Variants in RAD51B observed in about 807,000 individuals in gnomAD.
The protein encoded by RAD51B is DNA repair protein RAD51 homolog 2.
Under a neutral mutation model 42.2 loss-of-function variants are expected in RAD51B, and 38 were observed. The ratio of observed to expected loss-of-function variants is 0.90; its 90% confidence interval spans 0.70 to 1.18. The LOEUF (loss-of-function observed/expected upper bound fraction) is 1.18. Ranked by LOEUF, RAD51B falls within the 50% of genes most tolerant of loss-of-function variation. The probability of loss-of-function intolerance (pLI) is 0.00; values close to 1 mark genes in which losing one functional copy is unlikely to be tolerated. For missense variants in RAD51B, 373 were observed against 400.7 expected (o/e 0.93, Z 0.59); for synonymous variants, 154 against 145.2 (o/e 1.06, Z -0.43).
intron 4 of RAD51B, among the ~76,000 whole-genome samples, chr14:67,843,126 G>A (rs1458634249): frequency 6.7e-6 from 1 of 150,034 alleles, no homozygotes; most frequent in African/African-American, 2.5e-5. Context: ...TTGACCTGAT[G>A]CTTTCTTTTT....
intron 7 of RAD51B, among the ~76,000 whole-genome samples, chr14:68,022,509 C>G (rs1370873115): frequency 2.0e-5 from 3 of 152,056 alleles, no homozygotes; most frequent in Non-Finnish European, 4.4e-5. Flanking sequence ...AAATAGCCAT[C>G]TGTTGTTTTT....
chr14:68,105,886 A>G (rs1338809150), intron 7 of RAD51B, among the ~76,000 whole-genome samples: 1 of 152,002 alleles, frequency 6.6e-6, no homozygotes, highest in East Asian at 1.9e-4. Flanking sequence ...CTAAAAGATC[A>G]TCTTCCTTTG....
chr14:68,348,562 G>A (rs2082718409), intron 8 of RAD51B, among the ~76,000 whole-genome samples: 1 of 152,230 alleles, frequency 6.6e-6, no homozygotes, highest in South Asian at 2.1e-4. Flanking sequence ...TAGGCATAAT[G>A]CATATGTTTG....
At chr14:68,033,531 T>A (rs1844361014) in intron 7 of RAD51B, among the ~76,000 whole-genome samples, 1 of 149,022 alleles carries the variant, frequency 6.7e-6, no homozygotes, top group Non-Finnish European at 1.5e-5. Flanking sequence ...ACATAGATAA[T>A]TTTGTGAAAT....
chr14:68,415,774 T>C (rs2084541838), intron 9 of RAD51B, among the ~76,000 whole-genome samples: 1 of 152,180 alleles, frequency 6.6e-6, no homozygotes, highest in Non-Finnish European at 1.5e-5. Context: ...AAAAACTCGA[T>C]AAAAATATTC....
At chr14:68,078,947 A>G (rs10140493) in intron 7 of RAD51B, among the ~76,000 whole-genome samples, 39,180 of 151,930 alleles carry the variant, frequency 0.26, 6,507 homozygotes, top group African/African-American at 0.47. Context: ...CCATGATGGC[A>G]CCACTGCACT....
intron 9 of RAD51B, among the ~76,000 whole-genome samples, chr14:68,422,464 G>A (rs1288388011): frequency 6.6e-6 from 1 of 151,304 alleles, no homozygotes; most frequent in Non-Finnish European, 1.5e-5. Flanking sequence ...GGGAGGCTGA[G>A]GCAGGGAATT....
chr14:68,347,556 T>C (rs2082699633), intron 8 of RAD51B, among the ~76,000 whole-genome samples: 1 of 152,174 alleles, frequency 6.6e-6, no homozygotes, highest in Non-Finnish European at 1.5e-5. Flanking sequence ...TGGTGGCGTG[T>C]GCCTCCCAAA....
intron 7 of RAD51B, among the ~76,000 whole-genome samples, chr14:68,260,298 CGTGTGT>C (rs71281749): frequency 7.2e-5 from 7 of 96,614 alleles, no homozygotes; most frequent in Admixed American, 4.5e-4. Flanking sequence ...GCTGAGAGAC[CGTGTGT>C]GTGTGTGTGT....
intron 7 of RAD51B, among the ~76,000 whole-genome samples, chr14:68,082,609 C>T (rs2076928605): frequency 1.3e-5 from 2 of 152,038 alleles, no homozygotes; most frequent in Admixed American, 1.3e-4. Context: ...CTTAATTTCA[C>T]TTAACACTAT....
At position 68,096,853 on chromosome 14, in the gene RAD51B, A is replaced by G. The variant is rs576239435; in HGVS notation, c.757-195031A>G. ...TACTCCTGGCATTATTTTCTTATCTATGTTCCTGTTTGATTTCATCTTTCT... is the reference window on the plus strand; with the variant it reads ...TACTCCTGGCATTATTTTCTTATCTGTGTTCCTGTTTGATTTCATCTTTCT... On this transcript the variant is annotated intron_variant, in intron 7 of 10. Coordinates refer to ENST00000471583, the MANE Select transcript of RAD51B (RefSeq NM_133510.4). Among the ~76,000 whole-genome samples, 10 of 152,212 alleles carry G rather than the reference A, an allele frequency of 6.6e-5. No homozygotes were observed. The East Asian group carries it at 1.2e-3, about 18-fold the overall frequency.
chr14:68,424,749 C>T lies in RAD51B; in HGVS notation c.957+13222C>T, dbSNP rs148454809. On this transcript the variant is annotated intron_variant, in intron 9 of 10. Transcript: ENST00000471583. ...ATTTGATCCCTTTGACTTGAGGAGG[C>T]CAGTCCTTCTCAGGAACCACCTGTA... 3.0e-3 allele frequency among the ~76,000 whole-genome samples: 457 copies of T among 152,150 alleles called. 2 individuals carry two copies. The highest frequency in any genetic ancestry group is 0.01 in the African/African-American group (433 of 41,434).
At chr14:68,597,687 T>C (rs1158171704), downstream of RAD51B, among the ~76,000 whole-genome samples, 1 of 151,976 alleles carries the variant, frequency 6.6e-6, no homozygotes, top group Non-Finnish European at 1.5e-5. Flanking sequence ...AAGATAACTA[T>C]TGGGTACTGG....
intron 8 of RAD51B, among the ~76,000 whole-genome samples, chr14:68,294,414 C>T (rs2081574414): frequency 6.6e-6 from 1 of 152,086 alleles, no homozygotes; most frequent in African/African-American, 2.4e-5. Flanking sequence ...CATTTATAGC[C>T]ATTCAAATAT....
At chr14:68,587,423 A>G (rs758557788) in intron 10 of RAD51B, among the ~76,000 whole-genome samples, 12 of 152,074 alleles carry the variant, frequency 7.9e-5, no homozygotes, top group Non-Finnish European at 1.6e-4. Context: ...TCCCCCAGCT[A>G]TAAATGGAGC....
chr14:68,561,910 T>G (rs1889171808), intron 10 of RAD51B: 1 of 957,218 alleles, frequency 1.0e-6, no homozygotes, highest in Non-Finnish European at 1.2e-6. Context: ...AGAGGGCGAG[T>G]GGGAGGATGA....
intron 5 of RAD51B, among the ~76,000 whole-genome samples, chr14:67,869,047 A>G (rs1449895720): frequency 2.0e-5 from 3 of 152,260 alleles, no homozygotes; most frequent in Non-Finnish European, 2.9e-5. Context: ...CTCCAAAGGA[A>G]CGCAGTTCCT....
At chr14:68,562,921 C>A in intron 10 of RAD51B, 5 of 985,438 alleles carry the variant, frequency 5.1e-6, no homozygotes, top group Non-Finnish European at 6.0e-6. Flanking sequence ...CCTCCACATC[C>A]AAACATGGAC....
At chr14:68,503,504 A>G (rs917795854) in intron 10 of RAD51B, among the ~76,000 whole-genome samples, 2 of 152,110 alleles carry the variant, frequency 1.3e-5, no homozygotes, top group South Asian at 2.1e-4. Flanking sequence ...CTAGATTTCT[A>G]TCTTTTTATT....
Sources: gnomAD v4.1 joint callset for allele counts (sites outside exome capture counted in the v4.1 genomes callset) on GRCh38, gnomAD v4.1.1 for gene constraint, MANE v1.5 for transcripts, NCBI Gene and HGNC (gene_info 2026-07-23, HGNC 2026-07-21) for gene names.